The following LIMS1 variants were observed in gnomAD, a reference collection of about 807,000 sequenced individuals.
LIMS1 encodes the protein LIM and senescent cell antigen-like-containing domain protein 1.
A neutral mutation model predicts 44.1 loss-of-function variants in LIMS1; 18 were observed. The ratio of observed to expected loss-of-function variants is 0.41; its 90% confidence interval spans 0.28 to 0.61. The LOEUF is 0.61. Among genes scored for constraint, LIMS1 ranks in the 20% least tolerant of loss-of-function variants. The pLI is 0.32. For synonymous variants in LIMS1, 93 were observed against 149.1 expected, an observed-to-expected ratio of 0.62 and a Z score of 2.74; for missense variants, 201 against 422.0, an observed-to-expected ratio of 0.48 and a Z score of 4.59.
chr2:108,557,566 G>A (rs1684967518), intron 1 of LIMS1, among the ~76,000 whole-genome samples: 1 of 151,340 alleles, frequency 6.6e-6, no homozygotes, highest in African/African-American at 2.4e-5. Context: ...GCCCTGGCTA[G>A]AGTGCAGTGG....
At chr2:108,584,850 ACAT>A (rs1686030762) in intron 1 of LIMS1, among the ~76,000 whole-genome samples, 6 of 151,900 alleles carry the variant, frequency 3.9e-5, no homozygotes, top group Non-Finnish European at 5.9e-5. Flanking sequence ...GGGTTTGGGG[ACAT>A]AGATGGAGCC....
At chr2:108,608,303 C>A (rs898394697) in intron 1 of LIMS1, among the ~76,000 whole-genome samples, 10 of 150,934 alleles carry the variant, frequency 6.6e-5, no homozygotes, top group Non-Finnish European at 1.3e-4. Context: ...GCCTTTTTCA[C>A]TCACTTTTTT....
chr2:108,617,629 C>G (rs1336431312), intron 1 of LIMS1, among the ~76,000 whole-genome samples: 1 of 152,190 alleles, frequency 6.6e-6, no homozygotes, highest in African/African-American at 2.4e-5. Flanking sequence ...TCTTCCATGT[C>G]CCTGGCCCTA....
At chr2:108,679,476 C>G (rs952175224) in intron 8 of LIMS1, among the ~76,000 whole-genome samples, 5 of 151,580 alleles carry the variant, frequency 3.3e-5, no homozygotes, top group African/African-American at 1.2e-4. Context: ...GCAAAAACTT[C>G]GTCTCAAAAA....
intron 1 of LIMS1, among the ~76,000 whole-genome samples, chr2:108,552,229 A>G (rs1466695021): frequency 6.9e-6 from 1 of 144,186 alleles, no homozygotes; most frequent in Non-Finnish European, 1.5e-5. Flanking sequence ...ATAATACATT[A>G]GTTATATATA....
At chr2:108,671,518 T>C (rs1490722263) in intron 3 of LIMS1, among the ~76,000 whole-genome samples, 1 of 152,202 alleles carries the variant, frequency 6.6e-6, no homozygotes, top group African/African-American at 2.4e-5. Context: ...TTAGGGATGC[T>C]TAAACATTGC....
intron 1 of LIMS1, among the ~76,000 whole-genome samples, chr2:108,609,189 C>CA (rs1321824266): frequency 2.0e-5 from 3 of 152,164 alleles, no homozygotes; most frequent in Admixed American, 2.0e-4. Flanking sequence ...TAAATACATG[C>CA]AAAATAATTT....
intron 1 of LIMS1, among the ~76,000 whole-genome samples, chr2:108,652,642 A>G (rs909517777): frequency 6.6e-6 from 1 of 152,210 alleles, no homozygotes; most frequent in African/African-American, 2.4e-5. Flanking sequence ...TGCCCATGTG[A>G]TGAAATGACA....
chr2:108,533,848 G>T (rs200289564), upstream of LIMS1: 4 of 152,510 alleles, frequency 2.6e-5, no homozygotes, highest in African/African-American at 9.6e-5. Context: ...AAAGGCTGCA[G>T]GCTCCATGCG....
intron 1 of LIMS1, among the ~76,000 whole-genome samples, chr2:108,650,884 CAGATTGT>C (rs1187878251): frequency 3.3e-5 from 5 of 151,202 alleles, no homozygotes; most frequent in African/African-American, 4.9e-5. Flanking sequence ...ATTCATTCAG[CAGATTGT>C]AGTATCTTCT....
chr2:108,651,561 G>A (rs1261908847), intron 1 of LIMS1, among the ~76,000 whole-genome samples: 1 of 152,152 alleles, frequency 6.6e-6, no homozygotes, highest in African/African-American at 2.4e-5. Context: ...CATAGTATAT[G>A]GTACCTTTGA....
chr2:108,548,317 C>A (rs1335400752), intron 1 of LIMS1, among the ~76,000 whole-genome samples: 1 of 151,608 alleles, frequency 6.6e-6, no homozygotes, highest in African/African-American at 2.4e-5. Context: ...CTGGCTAACC[C>A]ACATCAGGAA....
intron 1 of LIMS1, among the ~76,000 whole-genome samples, chr2:108,559,716 A>G (rs750251231): frequency 5.3e-5 from 8 of 152,228 alleles, no homozygotes; most frequent in African/African-American, 1.4e-4. Context: ...TCAGTCTTCA[A>G]CATACATTTG....
intron 1 of LIMS1, among the ~76,000 whole-genome samples, chr2:108,584,713 T>A (rs1686024484): frequency 6.6e-6 from 1 of 152,086 alleles, no homozygotes; most frequent in Admixed American, 6.6e-5. Flanking sequence ...GATGTGAGCA[T>A]TAGCGAAGGG....
intron 2 of LIMS1, among the ~76,000 whole-genome samples, chr2:108,664,589 T>C (rs569044616): frequency 1.3e-5 from 2 of 152,386 alleles, no homozygotes; most frequent in South Asian, 2.1e-4. Context: ...GCTATATTTA[T>C]AGAAATTTAA....
intron 1 of LIMS1, among the ~76,000 whole-genome samples, chr2:108,644,331 C>T (rs755145054): frequency 3.9e-5 from 6 of 152,116 alleles, no homozygotes; most frequent in East Asian, 1.9e-4. Flanking sequence ...CTGCAGCCCC[C>T]GCCAGTGATA....
At chr2:108,551,843 G>A (rs960524105) in intron 1 of LIMS1, among the ~76,000 whole-genome samples, 1 of 143,130 alleles carries the variant, frequency 7.0e-6, no homozygotes, top group Non-Finnish European at 1.5e-5. Flanking sequence ...CACATATACT[G>A]TATATATACT....
At chr2:108,636,126 A>T (rs1689231188) in intron 1 of LIMS1, among the ~76,000 whole-genome samples, 1 of 152,188 alleles carries the variant, frequency 6.6e-6, no homozygotes, top group South Asian at 2.1e-4. Context: ...GCAGCCACGG[A>T]CCCTAGAGCT....
chr2:108,601,220 T>G (rs1189089280), intron 1 of LIMS1, among the ~76,000 whole-genome samples: 1 of 152,042 alleles, frequency 6.6e-6, no homozygotes, highest in South Asian at 2.1e-4. Flanking sequence ...ATAAACAAAT[T>G]GCAATGAAAA....
Sources: gnomAD v4.1 joint callset for allele counts (sites outside exome capture counted in the v4.1 genomes callset) on GRCh38, gnomAD v4.1.1 for gene constraint, MANE v1.5 for transcripts, NCBI Gene and HGNC (gene_info 2026-07-23, HGNC 2026-07-21) for gene names.